The following DNAH9 variants were observed in gnomAD, a reference collection of about 807,000 sequenced individuals.
DNAH9 encodes dynein axonemal heavy chain 9, also known as DNAH9 variant protein.
DNAH9 carries 345 observed loss-of-function variants against 471.6 expected under a neutral mutation model. The observed-to-expected ratio is 0.73, with a 90% CI of 0.67 to 0.80. The LOEUF is 0.80. Ranked by LOEUF, DNAH9 falls within the 30% of genes least tolerant of loss-of-function variation. The probability of loss-of-function intolerance (pLI) is 0.00; values close to 1 mark genes in which losing one functional copy is unlikely to be tolerated. For missense variants in DNAH9, 5,407 were observed against 5,609.2 expected, an observed-to-expected ratio of 0.96 and a Z score of 1.15; for synonymous variants, 2,093 against 2,123.6, an observed-to-expected ratio of 0.99 and a Z score of 0.40.
intron 42 of DNAH9, among the ~76,000 whole-genome samples, chr17:11,796,004 T>A (rs1969225098): frequency 6.6e-6 from 1 of 152,242 alleles, no homozygotes; most frequent in East Asian, 1.9e-4. Flanking sequence ...CTCTGATTCA[T>A]GGCCCTGTGT....
chr17:11,733,699 A>T (rs1286949851), intron 28 of DNAH9, among the ~76,000 whole-genome samples: 1 of 152,042 alleles, frequency 6.6e-6, no homozygotes, highest in East Asian at 1.9e-4. Context: ...CTACTAAAAA[A>T]TACAAAAAAT....
intron 36 of DNAH9, among the ~76,000 whole-genome samples, chr17:11,767,949 AAAG>A (rs1968033916): frequency 6.6e-6 from 1 of 152,092 alleles, no homozygotes; most frequent in Admixed American, 6.5e-5. Context: ...TGAGGCATAG[AAAG>A]AAGGATTTGC....
intron 57 of DNAH9, among the ~76,000 whole-genome samples, chr17:11,887,349 G>T (rs1972911273): frequency 2.0e-5 from 3 of 152,170 alleles, no homozygotes; most frequent in African/African-American, 7.2e-5. Context: ...CACTTGTATT[G>T]ATTAAAGTCC....
intron 27 of DNAH9, among the ~76,000 whole-genome samples, chr17:11,722,879 G>A (rs1478174831): frequency 6.6e-6 from 1 of 152,046 alleles, no homozygotes; most frequent in African/African-American, 2.4e-5. Context: ...CTATTGCAGG[G>A]ACATCAAATG....
At chr17:11,766,955 C>A (rs1393844405) in intron 36 of DNAH9, among the ~76,000 whole-genome samples, 11 of 138,586 alleles carry the variant, frequency 7.9e-5, no homozygotes, top group Non-Finnish European at 1.4e-4. Flanking sequence ...GGCAACAGAG[C>A]AAGACTCTGT....
chr17:11,694,053 C>A, intron 21 of DNAH9, 55 bp downstream of exon 21: 1 of 1,595,310 alleles, frequency 6.3e-7, no homozygotes, highest in South Asian at 1.1e-5. Context: ...TTCCTTTTCC[C>A]CATCGTCTCT....
chr17:11,902,711 T>C lies in DNAH9; in HGVS notation c.11407-8T>C, dbSNP rs749787281. The stretch of plus-strand genomic sequence containing the variant: ...AAACTGCATTTCAGATTCTCTGAAA[T>C]TTCCCAGGTACTTTCATCAATGGAA... On this transcript the variant is annotated splice_region_variant and splice_polypyrimidine_tract_variant and intron_variant, in intron 59 of 68. Coordinates refer to ENST00000262442, the MANE Select transcript of DNAH9 (RefSeq NM_001372.4). 11 of 1,605,420 alleles carry C rather than the reference T, an allele frequency of 6.9e-6. No individual in the cohort carries two copies. Among genetic ancestry groups the C allele is most frequent in the Non-Finnish European group, 9.4e-6 (11 of 1,175,826 alleles).
chr17:11,808,024 T>G, intron 44 of DNAH9, 130 bp downstream of exon 44: 2 of 1,120,672 alleles, frequency 1.8e-6, no homozygotes, highest in Non-Finnish European at 2.5e-6. Context: ...ATTTCTGTCT[T>G]AGGTTCTGGG....
chr17:11,662,782 G>T (rs1416357402), intron 14 of DNAH9, among the ~76,000 whole-genome samples: 7 of 107,260 alleles, frequency 6.5e-5, no homozygotes, highest in Admixed American at 2.5e-4. Flanking sequence ...TTGAGACGGA[G>T]TCTCGCTCTG....
chr17:11,921,386 CAG>C (rs1442800918), intron 61 of DNAH9, among the ~76,000 whole-genome samples: 2 of 151,802 alleles, frequency 1.3e-5, no homozygotes, highest in African/African-American at 4.8e-5. Flanking sequence ...GTGATGTCCT[CAG>C]AGAGACTAGA....
chr17:11,756,263 C>T (rs865904502), intron 33 of DNAH9, among the ~76,000 whole-genome samples: 2 of 117,992 alleles, frequency 1.7e-5, no homozygotes, highest in Middle Eastern at 4.2e-3. Flanking sequence ...GGTGACAGAG[C>T]GAGACTCTGT....
At chr17:11,850,334 A>G (rs1415330861) in intron 49 of DNAH9, among the ~76,000 whole-genome samples, 2 of 152,184 alleles carry the variant, frequency 1.3e-5, no homozygotes, top group African/African-American at 4.8e-5. Context: ...CCTGTGCCTA[A>G]CAATTCCTGC....
intron 48 of DNAH9, among the ~76,000 whole-genome samples, chr17:11,823,784 G>T (rs998439619): frequency 3.3e-5 from 5 of 152,082 alleles, no homozygotes; most frequent in African/African-American, 1.2e-4. Context: ...ACAAAAATTA[G>T]CTGGGCATGG....
chr17:11,905,353 C>T (rs1013900582), intron 60 of DNAH9, among the ~76,000 whole-genome samples: 21 of 152,052 alleles, frequency 1.4e-4, no homozygotes, highest in East Asian at 5.8e-4. Flanking sequence ...AAGGTACTGG[C>T]GCTAACAGTG....
At chr17:11,829,460 ACTTATTTG>A (rs1351292517) in intron 48 of DNAH9, among the ~76,000 whole-genome samples, 2 of 152,270 alleles carry the variant, frequency 1.3e-5, no homozygotes, top group East Asian at 3.9e-4. Flanking sequence ...TTATTTATTT[ACTTATTTG>A]CTTATTTATT....
At chr17:11,968,500 T>A (rs1249631110) in intron 68 of DNAH9, among the ~76,000 whole-genome samples, 1 of 152,234 alleles carries the variant, frequency 6.6e-6, no homozygotes, top group Admixed American at 6.5e-5. Flanking sequence ...GGGAAATGAA[T>A]AGGTTGCAAA....
chr17:11,677,564 G>T (rs1412058268), intron 17 of DNAH9, among the ~76,000 whole-genome samples: 1 of 152,116 alleles, frequency 6.6e-6, no homozygotes, highest in Non-Finnish European at 1.5e-5. Context: ...AATGAGCATA[G>T]AACTGATTTT....
At chr17:11,838,970 A>G (rs563038831) in intron 49 of DNAH9, among the ~76,000 whole-genome samples, 1 of 152,312 alleles carries the variant, frequency 6.6e-6, no homozygotes, top group Admixed American at 6.5e-5. Context: ...TATAAATCAG[A>G]GGTGGGTAGT....
rs565985468 is a variant in DNAH9 at position 11,687,857 on chromosome 17, C to T, written c.3744-1709C>T. On this transcript the variant is annotated intron_variant, in intron 19 of 68. Coordinates refer to ENST00000262442, the MANE Select transcript of DNAH9 (RefSeq NM_001372.4). Reference sequence around the variant, plus strand: ...TGACCATAAAAAAGCCATCTGCAGCCGAGCGGGATGGCTCATGCCTATGGT... The same window carrying T: ...TGACCATAAAAAAGCCATCTGCAGCTGAGCGGGATGGCTCATGCCTATGGT... Among the ~76,000 whole-genome samples the T allele has an allele frequency of 6.7e-4, 102 of 151,954 alleles. 3 individuals are homozygous for T. The highest frequency in any genetic ancestry group is 3.9e-4 in the East Asian group (2 of 5,152).
Sources: gnomAD v4.1 joint callset for allele counts (sites outside exome capture counted in the v4.1 genomes callset) on GRCh38, gnomAD v4.1.1 for gene constraint, MANE v1.5 for transcripts, NCBI Gene and HGNC (gene_info 2026-07-23, HGNC 2026-07-21) for gene names.